The following FGF14 variants were observed in gnomAD, a reference collection of about 807,000 sequenced individuals.
The protein encoded by FGF14 is fibroblast growth factor 14, also known as fibroblast growth factor homologous factor 4.
In FGF14, 5 loss-of-function variants were observed where a neutral mutation model predicts 25.5. That is an observed-to-expected ratio of 0.20 (90% confidence interval 0.10 to 0.41). The LOEUF (loss-of-function observed/expected upper bound fraction) is 0.41. FGF14 is among the 10% of genes least tolerant of loss of function. FGF14 has a pLI of 1.00. For synonymous variants in FGF14, 138 were observed against 118.3 expected (o/e 1.17, Z -1.08); for missense variants, 222 against 320.1 (o/e 0.69, Z 2.34).
At chr13:102,207,440 TC>T (rs1257809480) in intron 1 of FGF14, among the ~76,000 whole-genome samples, 1 of 151,598 alleles carries the variant, frequency 6.6e-6, no homozygotes, top group Non-Finnish European at 1.5e-5. Context: ...AAAATGGTCA[TC>T]AAAGAAAGCC....
intron 1 of FGF14, among the ~76,000 whole-genome samples, chr13:102,326,391 GAAGAATACTGACCT>G (rs1856626440): frequency 2.0e-5 from 3 of 151,988 alleles, no homozygotes; most frequent in Non-Finnish European, 4.4e-5. Flanking sequence ...AAACCCAAAA[GAAGAATACTGACCT>G]CTTGCTTATG....
intron 3 of FGF14, among the ~76,000 whole-genome samples, chr13:101,834,194 C>T (rs944370665): frequency 2.6e-5 from 4 of 152,068 alleles, no homozygotes; most frequent in African/African-American, 9.7e-5. Flanking sequence ...TGCATTCTCT[C>T]TGATTTCACA....
At chr13:102,065,923 C>T (rs948436676) in intron 1 of FGF14, among the ~76,000 whole-genome samples, 2 of 151,890 alleles carry the variant, frequency 1.3e-5, no homozygotes, top group Non-Finnish European at 2.9e-5. Flanking sequence ...AAAATCATTA[C>T]CTATGGATAT....
intron 1 of FGF14, among the ~76,000 whole-genome samples, chr13:102,333,925 T>G (rs1178568277): frequency 6.6e-6 from 1 of 152,080 alleles, no homozygotes; most frequent in Non-Finnish European, 1.5e-5. Context: ...ATTGATTTAT[T>G]TTCACCACTT....
At chr13:102,106,083 T>C (rs2044895889) in intron 1 of FGF14, among the ~76,000 whole-genome samples, 1 of 152,094 alleles carries the variant, frequency 6.6e-6, no homozygotes. Context: ...AGAAAGGAGA[T>C]CTAAGATGGT....
Position 101,867,716 on chromosome 13 carries a change from T to C in FGF14, c.408+1009A>G, listed in dbSNP as rs75817735. On this transcript the variant is annotated intron_variant, in intron 3 of 4. Transcript: ENST00000376143. ...TTGCATAATGTGGGACCCAGTTCTC[T>C]GTGTGGGAACACCCTTCAGGGAACT... Among the ~76,000 whole-genome samples, 9 of 152,242 alleles carry C rather than the reference T, an allele frequency of 5.9e-5. No homozygotes were observed. The East Asian group carries it at 1.7e-3, about 29-fold the overall frequency.
intron 1 of FGF14, among the ~76,000 whole-genome samples, chr13:102,139,550 C>T (rs1166351360): frequency 2.6e-5 from 4 of 152,100 alleles, no homozygotes; most frequent in East Asian, 1.9e-4. Context: ...CCCCATTCAT[C>T]GCCTCATATG....
chr13:102,102,880 C>T (rs1415476591), intron 1 of FGF14, among the ~76,000 whole-genome samples: 2 of 152,166 alleles, frequency 1.3e-5, no homozygotes, highest in Non-Finnish European at 2.9e-5. Context: ...AGCAACCTTT[C>T]TCCCCGCAGT....
At chr13:102,304,698 T>C (rs551500280) in intron 1 of FGF14, among the ~76,000 whole-genome samples, 22 of 152,274 alleles carry the variant, frequency 1.4e-4, no homozygotes, top group Non-Finnish European at 2.5e-4. Flanking sequence ...CCAGTGATCA[T>C]GTCATGAGGA....
chr13:102,039,250 C>G (rs899509082), intron 1 of FGF14, among the ~76,000 whole-genome samples: 1 of 152,152 alleles, frequency 6.6e-6, no homozygotes, highest in African/African-American at 2.4e-5. Context: ...TCTCCTGTTT[C>G]AAGATAACTT....
chr13:102,229,095 T>A (rs900507476), intron 1 of FGF14, among the ~76,000 whole-genome samples: 1 of 152,124 alleles, frequency 6.6e-6, no homozygotes, highest in Non-Finnish European at 1.5e-5. Flanking sequence ...GATGTCAGAG[T>A]CCAACCTTGC....
intron 1 of FGF14, among the ~76,000 whole-genome samples, chr13:101,945,157 A>G (rs1323042448): frequency 6.6e-6 from 1 of 152,046 alleles, no homozygotes; most frequent in Non-Finnish European, 1.5e-5. Context: ...CATCTCTACT[A>G]AAAATACAAA....
intron 1 of FGF14, among the ~76,000 whole-genome samples, chr13:102,262,012 T>C (rs2052742769): frequency 6.6e-6 from 1 of 152,180 alleles, no homozygotes. Context: ...AGCAGTAGCC[T>C]TGTGGATTCA....
Position 101,714,530 on chromosome 13 carries a change from CATG to C in FGF14, c.*8298_*8300del, listed in dbSNP as rs1248685785. The C allele has an allele frequency of 1.2e-6, 2 of 1,602,856 alleles. No homozygotes were observed. Among genetic ancestry groups the C allele is most frequent in the South Asian group, 1.1e-5 (1 of 90,814 alleles). ...CTGTGATGACAGAGACTGCGACAAACATGATGGTCTCATTTGTACAGGTGCAGT... is the reference window on the plus strand; with the variant it reads ...CTGTGATGACAGAGACTGCGACAAACATGGTCTCATTTGTACAGGTGCAGT... On this transcript the variant is annotated 3_prime_UTR_variant, in exon 5 of 5. Transcript: ENST00000376143.
intron 1 of FGF14, among the ~76,000 whole-genome samples, chr13:102,106,253 G>A (rs769414745): frequency 1.3e-5 from 2 of 152,162 alleles, no homozygotes; most frequent in Non-Finnish European, 2.9e-5. Flanking sequence ...TATAAAAGAT[G>A]TAACAGTAAT....
chr13:101,806,550 G>A (rs1398122312), intron 3 of FGF14, among the ~76,000 whole-genome samples: 3 of 151,560 alleles, frequency 2.0e-5, no homozygotes, highest in African/African-American at 7.3e-5. Context: ...GGATTTATTA[G>A]GCATTGAAAT....
intron 1 of FGF14, among the ~76,000 whole-genome samples, chr13:102,385,020 T>G (rs190458486): frequency 6.6e-6 from 1 of 152,214 alleles, no homozygotes; most frequent in Non-Finnish European, 1.5e-5. Flanking sequence ...GTAAAAGTAT[T>G]GGCAACTATT....
intron 3 of FGF14, among the ~76,000 whole-genome samples, chr13:101,803,317 T>TG (rs1213167545): frequency 6.6e-6 from 1 of 151,696 alleles, no homozygotes; most frequent in African/African-American, 2.4e-5. Context: ...ATTATGGAAT[T>TG]GGGGGTCTCA....
At chr13:101,732,224 T>A (rs1288652135) in intron 3 of FGF14, among the ~76,000 whole-genome samples, 1 of 152,218 alleles carries the variant, frequency 6.6e-6, no homozygotes, top group Non-Finnish European at 1.5e-5. Flanking sequence ...AGTTACTATG[T>A]CACCTTGGTG....
Sources: allele counts gnomAD v4.1 joint callset (sites outside exome capture counted in the v4.1 genomes callset), GRCh38; gene constraint gnomAD v4.1.1; transcripts MANE v1.5; gene names NCBI Gene and HGNC (gene_info 2026-07-23, HGNC 2026-07-21).